KAZN: variants seen among roughly 807,000 people sequenced by gnomAD.
The protein encoded by KAZN is kazrin.
KAZN carries 40 observed loss-of-function variants against 87.4 expected under a neutral mutation model. The observed-to-expected ratio is 0.46, with a 90% CI of 0.36 to 0.60. KAZN has a LOEUF of 0.60. Among genes scored for constraint, KAZN ranks in the 20% least tolerant of loss-of-function variants. The pLI is 0.00. For missense variants in KAZN, 898 were observed against 1,073.9 expected (o/e 0.84, Z 2.29); for synonymous variants, 466 against 458.3 (o/e 1.02, Z -0.22).
chr1:14,485,696 C>A (rs1039522044), intron 2 of KAZN, among the ~76,000 whole-genome samples: 1 of 151,986 alleles, frequency 6.6e-6, no homozygotes, highest in African/African-American at 2.4e-5. Context: ...AGTAAAAGAC[C>A]AGCCTGACCA....
chr1:13,946,146 A>G (rs140145363), intron 1 of KAZN, among the ~76,000 whole-genome samples: 2 of 152,278 alleles, frequency 1.3e-5, no homozygotes, highest in African/African-American at 4.8e-5. Flanking sequence ...GTGCTTTTCT[A>G]TTAAGAAATG....
intron 2 of KAZN, among the ~76,000 whole-genome samples, chr1:14,987,407 T>C (rs978967915): frequency 1.2e-4 from 18 of 151,886 alleles, no homozygotes; most frequent in Non-Finnish European, 7.4e-5. Context: ...GGCAGGAGAA[T>C]CGCTTGAACC....
At position 14,725,511 on chromosome 1, in the gene KAZN, G is replaced by A. The variant is rs180671196; in HGVS notation, c.226+126288G>A. Reference sequence around the variant, plus strand: ...TTTTATATCTCCTGTCCCTCTCATGGTTCCCAGCATATAGCAGACACTAAA... The same window carrying A: ...TTTTATATCTCCTGTCCCTCTCATGATTCCCAGCATATAGCAGACACTAAA... On this transcript the variant is annotated intron_variant, in intron 1 of 14. Coordinates refer to ENST00000376030, the MANE Select transcript of KAZN (RefSeq NM_201628.3). 9.9e-4 allele frequency among the ~76,000 whole-genome samples: 148 copies of A among 149,650 alleles called. 2 individuals are homozygous for A. The highest frequency in any genetic ancestry group is 3.5e-3 in the African/African-American group (143 of 40,608).
At chr1:14,503,790 A>G (rs188196367) in intron 2 of KAZN, among the ~76,000 whole-genome samples, 249 of 152,178 alleles carry the variant, frequency 1.6e-3, no homozygotes, top group African/African-American at 5.8e-3. Context: ...TGATGAACCT[A>G]TGCTAATACC....
At chr1:14,952,167 G>C (rs1557654613) in intron 1 of KAZN, among the ~76,000 whole-genome samples, 1 of 152,146 alleles carries the variant, frequency 6.6e-6, no homozygotes, top group East Asian at 1.9e-4. Context: ...CAGAGCTCTT[G>C]TCACTTGGAA....
At chr1:14,031,817 C>T (rs1442696268) in intron 1 of KAZN, among the ~76,000 whole-genome samples, 1 of 152,164 alleles carries the variant, frequency 6.6e-6, no homozygotes, top group African/African-American at 2.4e-5. Flanking sequence ...ATTCAGTTTG[C>T]TTTCCTTCCT....
At chr1:14,185,598 A>G (rs2100336135) in intron 2 of KAZN, among the ~76,000 whole-genome samples, 1 of 152,286 alleles carries the variant, frequency 6.6e-6, no homozygotes, top group East Asian at 1.9e-4. Flanking sequence ...CATAACTCTT[A>G]CAAGCCCTCT....
intron 1 of KAZN, among the ~76,000 whole-genome samples, chr1:13,948,195 G>A (rs77333829): frequency 0.061 from 9,226 of 152,214 alleles, 402 homozygotes; most frequent in South Asian, 0.1. Flanking sequence ...TTCTGGAAAC[G>A]TCAGGCTGCT....
rs183672391 is a variant in KAZN, at chr1:14,451,165, T to C, written c.250-147818T>C. On this transcript the variant is annotated intron_variant, in intron 2 of 16. Transcript: ENST00000636203. ...GAGCCAATCAAACCTCTTTTCTCTATAAATTACCTAGTCTCAGGCCTTTCT... is the reference window on the plus strand; with the variant it reads ...GAGCCAATCAAACCTCTTTTCTCTACAAATTACCTAGTCTCAGGCCTTTCT... Among the ~76,000 whole-genome samples, 17 of 152,248 alleles carry C rather than the reference T, an allele frequency of 1.1e-4. 1 individual carries two copies. In the East Asian group the frequency reaches 2.9e-3, roughly 26 times the overall value.
At chr1:14,216,171 C>A (rs2100474999) in intron 2 of KAZN, among the ~76,000 whole-genome samples, 1 of 152,096 alleles carries the variant, frequency 6.6e-6, no homozygotes, top group South Asian at 2.1e-4. Context: ...ATTATATCAG[C>A]CATAATTTAG....
intron 2 of KAZN, among the ~76,000 whole-genome samples, chr1:14,386,390 T>C (rs1338729782): frequency 8.6e-5 from 13 of 151,668 alleles, no homozygotes; most frequent in Non-Finnish European, 1.5e-4. Flanking sequence ...CGTTAGTTGA[T>C]GCAGTTTCTT....
intron 2 of KAZN, among the ~76,000 whole-genome samples, chr1:14,431,684 C>A (rs1049953594): frequency 6.6e-6 from 1 of 152,126 alleles, no homozygotes; most frequent in Non-Finnish European, 1.5e-5. Flanking sequence ...TGGCTTCCTT[C>A]TTCTTCCTGC....
rs539980857 is a variant in KAZN, at chr1:14,943,988, C to T, written c.227-16696C>T. Reference sequence around the variant, plus strand: ...ACTTGGGAGACTGAGGCAGGAGAATCGCTTGAACCCGGGAGGCGGAGGTTG... The same window carrying T: ...ACTTGGGAGACTGAGGCAGGAGAATTGCTTGAACCCGGGAGGCGGAGGTTG... On this transcript the variant is annotated intron_variant, in intron 1 of 14. Coordinates refer to ENST00000376030, the MANE Select transcript of KAZN (RefSeq NM_201628.3). 5.9e-5 allele frequency among the ~76,000 whole-genome samples: 9 copies of T among 152,268 alleles called. No individual in the cohort carries two copies. In the East Asian group the frequency reaches 1.2e-3, roughly 20 times the overall value.
chr1:15,063,288 C>T (rs914245088), intron 6 of KAZN: 50 of 466,390 alleles, frequency 1.1e-4, no homozygotes, highest in Non-Finnish European at 1.4e-4. Context: ...GGAACTTAGA[C>T]GCCCTGGAGT....
chr1:14,493,493 G>C (rs1241138882), intron 2 of KAZN, among the ~76,000 whole-genome samples: 2 of 151,280 alleles, frequency 1.3e-5, no homozygotes, highest in Non-Finnish European at 2.9e-5. Context: ...AGATGGGGTG[G>C]GGAAAGAAGA....
intron 1 of KAZN, among the ~76,000 whole-genome samples, chr1:14,034,698 A>G (rs912674663): frequency 6.6e-6 from 1 of 152,242 alleles, no homozygotes; most frequent in Non-Finnish European, 1.5e-5. Context: ...GAGTTAAAAC[A>G]TAACCAGAAG....
intron 2 of KAZN, among the ~76,000 whole-genome samples, chr1:14,969,289 G>A (rs778932537): frequency 1.8e-4 from 27 of 152,362 alleles, no homozygotes; most frequent in Non-Finnish European, 4.0e-4. Flanking sequence ...TCCCACATCC[G>A]CACTCCATTC....
chr1:13,906,056 C>A (rs185235215), intron 1 of KAZN, among the ~76,000 whole-genome samples: 1 of 152,140 alleles, frequency 6.6e-6, no homozygotes, highest in Non-Finnish European at 1.5e-5. Flanking sequence ...GCAATTAGAG[C>A]CCACTCGGAT....
At chr1:14,755,244 C>A (rs1205662415) in intron 1 of KAZN, among the ~76,000 whole-genome samples, 1 of 152,042 alleles carries the variant, frequency 6.6e-6, no homozygotes, top group African/African-American at 2.4e-5. Context: ...CAGAGTAAGA[C>A]CCTGTCTCAA....
Sources: gnomAD v4.1 joint callset for allele counts (sites outside exome capture counted in the v4.1 genomes callset) on GRCh38, gnomAD v4.1.1 for gene constraint, MANE v1.5 for transcripts, NCBI Gene and HGNC (gene_info 2026-07-23, HGNC 2026-07-21) for gene names.